RABGAP1L: variants seen among roughly 807,000 people sequenced by gnomAD.
RABGAP1L encodes rab GTPase-activating protein 1-like.
RABGAP1L carries 63 observed loss-of-function variants against 137.7 expected under a neutral mutation model. The ratio of observed to expected loss-of-function variants is 0.46; its 90% CI spans 0.37 to 0.56. RABGAP1L has a LOEUF of 0.56. Ranked by LOEUF, RABGAP1L falls within the 20% of genes least tolerant of loss-of-function variation. The pLI is 0.00. For missense variants in RABGAP1L, 1,095 were observed against 1,244.0 expected, an observed-to-expected ratio of 0.88 and a Z score of 1.80; for synonymous variants, 431 against 433.7, an observed-to-expected ratio of 0.99 and a Z score of 0.08.
At chr1:174,687,885 T>G (rs1026257946) in intron 15 of RABGAP1L, among the ~76,000 whole-genome samples, 10 of 152,214 alleles carry the variant, frequency 6.6e-5, no homozygotes, top group African/African-American at 2.4e-4. Context: ...GTTTTGAATT[T>G]TTAGGATTTT....
chr1:174,295,476 T>C (rs1416750547), intron 10 of RABGAP1L, among the ~76,000 whole-genome samples: 1 of 151,742 alleles, frequency 6.6e-6, no homozygotes, highest in Admixed American at 6.6e-5. Flanking sequence ...CTCCTCCTCA[T>C]GGGTTCAAGC....
intron 11 of RABGAP1L, among the ~76,000 whole-genome samples, chr1:174,323,084 A>G (rs138822212): frequency 3.3e-5 from 5 of 152,252 alleles, no homozygotes; most frequent in Middle Eastern, 3.4e-3. Flanking sequence ...GTGTCACATC[A>G]TTTGGCCTTT....
intron 1 of RABGAP1L, among the ~76,000 whole-genome samples, chr1:174,188,074 A>G (rs1666939589): frequency 6.6e-6 from 1 of 152,212 alleles, no homozygotes; most frequent in Admixed American, 6.5e-5. Context: ...ATTCTCTGAT[A>G]TAGCAGGGTA....
intron 11 of RABGAP1L, among the ~76,000 whole-genome samples, chr1:174,330,419 A>C (rs1311407707): frequency 6.6e-6 from 1 of 152,040 alleles, no homozygotes; most frequent in Non-Finnish European, 1.5e-5. Flanking sequence ...GTCTCTACCA[A>C]AATAAAAATA....
intron 10 of RABGAP1L, among the ~76,000 whole-genome samples, chr1:174,288,404 A>G (rs2148709837): frequency 6.6e-6 from 1 of 151,142 alleles, no homozygotes; most frequent in Non-Finnish European, 1.5e-5. Flanking sequence ...GTGATGATGA[A>G]CTCCTTTAGT....
chr1:174,973,984 T>TG (rs1670409184), intron 21 of RABGAP1L, among the ~76,000 whole-genome samples: 2 of 66,406 alleles, frequency 3.0e-5, no homozygotes, highest in Non-Finnish European at 7.0e-5. Flanking sequence ...TTTTTGTTTT[T>TG]TTTTTTTTTT....
At chr1:174,490,934 T>C (rs1660161849) in intron 13 of RABGAP1L, among the ~76,000 whole-genome samples, 1 of 152,068 alleles carries the variant, frequency 6.6e-6, no homozygotes, top group African/African-American at 2.4e-5. Context: ...TTATGGTGAA[T>C]GTTGCCTGAC....
intron 19 of RABGAP1L, among the ~76,000 whole-genome samples, chr1:174,814,085 T>A (rs1412450574): frequency 6.6e-6 from 1 of 152,050 alleles, no homozygotes; most frequent in Non-Finnish European, 1.5e-5. Context: ...TTTATGAAGT[T>A]CCTGGAGGTG....
At chr1:174,391,028 T>G (rs1687173876) in intron 12 of RABGAP1L, among the ~76,000 whole-genome samples, 1 of 152,122 alleles carries the variant, frequency 6.6e-6, no homozygotes, top group South Asian at 2.1e-4. Flanking sequence ...CAATGGAGTT[T>G]GTGAAGGTGG....
intron 11 of RABGAP1L, among the ~76,000 whole-genome samples, chr1:174,324,645 G>T (rs1208577075): frequency 6.6e-6 from 1 of 152,150 alleles, no homozygotes; most frequent in Non-Finnish European, 1.5e-5. Flanking sequence ...TGTGGGAGAG[G>T]TGGGTTAAAA....
chr1:174,449,898 C>A (rs1470664641), intron 13 of RABGAP1L, among the ~76,000 whole-genome samples: 2 of 151,716 alleles, frequency 1.3e-5, no homozygotes, highest in African/African-American at 4.8e-5. Flanking sequence ...TGTTTTTTTT[C>A]TCTCTTTTTC....
chr1:174,558,771 A>G (rs1006828882), intron 13 of RABGAP1L, among the ~76,000 whole-genome samples: 7 of 152,186 alleles, frequency 4.6e-5, no homozygotes, highest in African/African-American at 1.4e-4. Flanking sequence ...CGTGGGCATT[A>G]TATGAGGCTA....
intron 23 of RABGAP1L, among the ~76,000 whole-genome samples, chr1:174,982,094 T>C (rs903302638): frequency 6.6e-6 from 1 of 152,234 alleles, no homozygotes; most frequent in East Asian, 1.9e-4. Context: ...AGTTTTAGTC[T>C]GTATTATTTT....
chr1:174,496,602 A>C (rs1660752124), intron 13 of RABGAP1L, among the ~76,000 whole-genome samples: 1 of 152,166 alleles, frequency 6.6e-6, no homozygotes, highest in Non-Finnish European at 1.5e-5. Flanking sequence ...TGAACACAAC[A>C]AGCACAGGAT....
intron 11 of RABGAP1L, among the ~76,000 whole-genome samples, chr1:174,306,559 T>C (rs927655762): frequency 6.6e-6 from 1 of 152,238 alleles, no homozygotes; most frequent in Admixed American, 6.5e-5. Context: ...TGCAGAAATA[T>C]CTTCTTGAAG....
intron 19 of RABGAP1L, among the ~76,000 whole-genome samples, chr1:174,923,341 A>G (rs1473821629): frequency 6.6e-6 from 1 of 152,200 alleles, no homozygotes; most frequent in Non-Finnish European, 1.5e-5. Flanking sequence ...ATTTGTGTAA[A>G]GCACAGTAAG....
intron 14 of RABGAP1L, among the ~76,000 whole-genome samples, chr1:174,682,153 C>T (rs1266114718): frequency 4.0e-5 from 6 of 151,708 alleles, no homozygotes; most frequent in Non-Finnish European, 5.9e-5. Flanking sequence ...TGGTGGTGGG[C>T]CCTTGTAATT....
At position 174,329,935 on chromosome 1, in the gene RABGAP1L, G is replaced by A. The variant is rs564154219; in HGVS notation, c.1465+24808G>A. 1.3e-3 allele frequency among the ~76,000 whole-genome samples: 189 copies of A among 142,802 alleles called. 2 individuals carry two copies. The highest frequency in any genetic ancestry group is 5.2e-3 in the African/African-American group (185 of 35,596). 93.7% of individuals were successfully genotyped at this position (142,802 alleles called of 152,430 possible). ...AAAGACTGATTTGAATAATAATAAAGCTTTGGTCTCCTGCAAAAAAAAAAA... is the reference window on the plus strand; with the variant it reads ...AAAGACTGATTTGAATAATAATAAAACTTTGGTCTCCTGCAAAAAAAAAAA... On this transcript the variant is annotated intron_variant, in intron 11 of 25. Transcript: ENST00000681986.
chr1:174,590,378 T>A (rs1669514851), intron 13 of RABGAP1L, among the ~76,000 whole-genome samples: 1 of 141,146 alleles, frequency 7.1e-6, no homozygotes, highest in African/African-American at 2.7e-5. Flanking sequence ...ACTCTAAGTT[T>A]TAGGGTACAT....
Sources: allele counts gnomAD v4.1 joint callset (sites outside exome capture counted in the v4.1 genomes callset), GRCh38; gene constraint gnomAD v4.1.1; transcripts MANE v1.5; gene names NCBI Gene and HGNC (gene_info 2026-07-23, HGNC 2026-07-21).